TMEM230: variants seen among roughly 807,000 people sequenced by gnomAD.
TMEM230 encodes UPF0414 transmembrane protein C20orf30.
A neutral mutation model predicts 15.8 loss-of-function variants in TMEM230; 10 were observed. That is an observed-to-expected ratio of 0.63 (90% CI 0.39 to 1.07). The LOEUF (loss-of-function observed/expected upper bound fraction) is 1.07. Ranked by LOEUF, TMEM230 falls within the 50% of genes least tolerant of loss-of-function variation. TMEM230 has a pLI of 0.01. For missense variants in TMEM230, 165 were observed against 193.3 expected (o/e 0.85, Z 0.87); for synonymous variants, 67 against 76.9 (o/e 0.87, Z 0.68).
chr20:5,077,123 T>A (rs1054171217), intron 3 of TMEM230, among the ~76,000 whole-genome samples: 1 of 151,818 alleles, frequency 6.6e-6, no homozygotes, highest in Non-Finnish European at 1.5e-5. Context: ...CTGGGCAACA[T>A]AGTGAGACCC....
At chr20:5,066,457 G>C (rs1205293509), downstream of TMEM230, 1 of 152,160 alleles carries the variant, frequency 6.6e-6, no homozygotes, top group African/African-American at 2.4e-5. Context: ...ATCATCTGAA[G>C]TCAGGAGTTT....
chr20:5,064,742 A>G (rs2088635874), downstream of TMEM230, among the ~76,000 whole-genome samples: 1 of 152,216 alleles, frequency 6.6e-6, no homozygotes, highest in Admixed American at 6.5e-5. Flanking sequence ...ATCAAACCAA[A>G]TGCTAATTCA....
At chr20:5,074,507 G>A (rs1373699368) in intron 3 of TMEM230, among the ~76,000 whole-genome samples, 1 of 151,612 alleles carries the variant, frequency 6.6e-6, no homozygotes, top group East Asian at 1.9e-4. Flanking sequence ...TTGTTAAAAT[G>A]ATATAAACTC....
At chr20:5,083,993 T>A (rs1028779797) in intron 3 of TMEM230, among the ~76,000 whole-genome samples, 3 of 152,136 alleles carry the variant, frequency 2.0e-5, no homozygotes, top group Non-Finnish European at 4.4e-5. Context: ...AGTTTTTTGA[T>A]CCTCACCCTC....
chr20:5,061,175 C>T, the TMEM230 span: 4 of 152,120 alleles, frequency 2.6e-5, no homozygotes, highest in African/African-American at 4.8e-5. Context: ...CTTTTTCCCT[C>T]CTCTTTCTTG....
At chr20:5,071,618 C>T (rs1265211371) in intron 3 of TMEM230, among the ~76,000 whole-genome samples, 18 of 73,000 alleles carry the variant, frequency 2.5e-4, no homozygotes, top group Admixed American at 1.0e-3. Flanking sequence ...AGCGAAACTC[C>T]GTCTCAAAAA....
chr20:5,096,383 G>A (rs570930505), downstream of TMEM230, among the ~76,000 whole-genome samples: 27 of 152,302 alleles, frequency 1.8e-4, no homozygotes, highest in African/African-American at 6.3e-4. Flanking sequence ...AGGAAACTGA[G>A]GCCCCATCAC....
At chr20:5,070,570 T>G (rs983884540) in intron 3 of TMEM230, among the ~76,000 whole-genome samples, 2 of 152,208 alleles carry the variant, frequency 1.3e-5, no homozygotes, top group African/African-American at 4.8e-5. Flanking sequence ...TGACCTACTC[T>G]GCCATATTCC....
chr20:5,095,651 A>AAAC (rs2089645637), downstream of TMEM230, among the ~76,000 whole-genome samples: 1 of 152,096 alleles, frequency 6.6e-6, no homozygotes, highest in Non-Finnish European at 1.5e-5. Flanking sequence ...AGGTGAGGAG[A>AAAC]TGGACTAGGA....
chr20:5,082,141 C>A (rs1160073201), intron 3 of TMEM230, among the ~76,000 whole-genome samples: 2 of 151,922 alleles, frequency 1.3e-5, no homozygotes, highest in Non-Finnish European at 2.9e-5. Flanking sequence ...CCTGCCTCGG[C>A]CTCCCAAAGT....
chr20:5,081,187 A>T (rs948704005), intron 3 of TMEM230, among the ~76,000 whole-genome samples: 3 of 152,208 alleles, frequency 2.0e-5, no homozygotes, highest in African/African-American at 7.2e-5. Context: ...AATTAGAGAG[A>T]AGCATGTGGG....
downstream of TMEM230, among the ~76,000 whole-genome samples, chr20:5,097,279 G>T (rs573796632): frequency 1.3e-5 from 2 of 152,130 alleles, no homozygotes; most frequent in South Asian, 4.1e-4. Context: ...GTATGACCAC[G>T]TGAAGCTCAA....
At chr20:5,103,556 G>C (rs192866888) in intron 4 of TMEM230, among the ~76,000 whole-genome samples, 82 of 151,854 alleles carry the variant, frequency 5.4e-4, no homozygotes, top group African/African-American at 1.7e-3. Flanking sequence ...CCAGTTATTT[G>C]GGAGGCTGAG....
rs79334285 is a variant in TMEM230 at position 5,077,855 on chromosome 20, T to C, written c.223-8506A>G. ...CTAAAAAAAAAAAAATCTGTGCCCT[T>C]GTGGATTCCATCTTACTAGGGGAAA... On this transcript the variant is annotated intron_variant, in intron 3 of 3. Transcript: ENST00000612323. Among the ~76,000 whole-genome samples the C allele has an allele frequency of 3.6e-3, 548 of 151,998 alleles. 4 individuals are homozygous for C. Among genetic ancestry groups the C allele is most frequent in the African/African-American group, 0.013 (527 of 41,438 alleles).
chr20:5,095,708 C>A (rs1030984771), downstream of TMEM230, among the ~76,000 whole-genome samples: 2 of 152,140 alleles, frequency 1.3e-5, no homozygotes, highest in Non-Finnish European at 2.9e-5. Context: ...CACTGACATG[C>A]AACTAACAGG....
chr20:5,097,969 A>ATTTTTTTTT (rs5840073), downstream of TMEM230, among the ~76,000 whole-genome samples: 3 of 67,252 alleles, frequency 4.5e-5, no homozygotes, highest in East Asian at 1.6e-3. Context: ...CTAACTCAGG[A>ATTTTTTTTT]TTTTTTTTTT....
intron 3 of TMEM230, among the ~76,000 whole-genome samples, chr20:5,090,807 G>A (rs952319281): frequency 6.6e-6 from 1 of 152,138 alleles, no homozygotes; most frequent in Non-Finnish European, 1.5e-5. Flanking sequence ...TGACCAAAGA[G>A]CAGCCCAATC....
chr20:5,107,246 A>G (rs2090132143), intron 3 of TMEM230, among the ~76,000 whole-genome samples: 1 of 152,200 alleles, frequency 6.6e-6, no homozygotes, highest in Non-Finnish European at 1.5e-5. Flanking sequence ...AGAGGCAGCG[A>G]GCTGAGATTG....
At chr20:5,087,655 C>T (rs1259172896) in intron 3 of TMEM230, among the ~76,000 whole-genome samples, 5 of 148,884 alleles carry the variant, frequency 3.4e-5, no homozygotes, top group Admixed American at 2.0e-4. Context: ...TCACTCTCAG[C>T]TTATCACCTA....
Sources: gnomAD v4.1 joint callset for allele counts (sites outside exome capture counted in the v4.1 genomes callset) on GRCh38, gnomAD v4.1.1 for gene constraint, MANE v1.5 for transcripts, NCBI Gene and HGNC (gene_info 2026-07-23, HGNC 2026-07-21) for gene names.